Variants in RTTN observed in about 807,000 individuals in gnomAD.
RTTN encodes rotatin.
RTTN carries 182 observed loss-of-function variants against 269.2 expected under a neutral mutation model. The ratio of observed to expected loss-of-function variants is 0.68; its 90% CI spans 0.60 to 0.76. The LOEUF is 0.76. Among genes scored for constraint, RTTN ranks in the 30% least tolerant of loss-of-function variants. The pLI is 0.00. For synonymous variants in RTTN, 1,006 were observed against 963.5 expected, an observed-to-expected ratio of 1.04 and a Z score of -0.82; for missense variants, 2,545 against 2,608.6, an observed-to-expected ratio of 0.98 and a Z score of 0.53.
rs200495808 is a variant in RTTN at position 70,205,259 on chromosome 18, C to A, written c.88G>T (p.Glu30Ter). ...RALKSILCKI[E>*]HNLICYADLI... ...TCAGCGTAGCAGATTAAGTTGTGCT[C>A]AATCTTGCAGAGAATACTCTTGAGA... is the stretch of plus-strand genomic sequence containing the variant. Residue 30 changes from glutamate to a stop codon, truncating the protein, a stop_gained, in exon 2 of 49, where the codon GAG becomes TAG. Coordinates refer to ENST00000640769, the MANE Select transcript of RTTN (RefSeq NM_173630.4). LOFTEE classifies it high-confidence loss of function. 5.7e-5 allele frequency: 92 copies of A among 1,614,068 alleles called. No individual in the cohort carries two copies. The highest frequency in any genetic ancestry group is 7.1e-5 in the Non-Finnish European group (84 of 1,180,036).
chr18:70,150,659 T>C lies in RTTN; in HGVS notation c.2004A>G (p.Pro668=). The stretch of plus-strand genomic sequence containing the variant: ...ATACAGAGATTTCATACAGAACTTT[T>C]GGATGAAGTAGAAAATGAATTCCAT... The part of the protein sequence containing the change: ...LCNGIHFLLH[P]KVLYEISVFG... The change falls in exon 15 of 49, where the codon CCA becomes CCG. Residue 668 remains proline, a synonymous_variant. Coordinates refer to ENST00000640769, the MANE Select transcript of RTTN (RefSeq NM_173630.4). The C allele has an allele frequency of 6.2e-7, 1 of 1,612,434 alleles. No homozygotes were observed.
intron 40 of RTTN, among the ~76,000 whole-genome samples, chr18:70,041,079 C>A (rs138753148): frequency 1.3e-5 from 2 of 151,758 alleles, no homozygotes; most frequent in African/African-American, 2.4e-5. Context: ...CGGTGGCAAG[C>A]GCCTGTAATC....
intron 3 of RTTN, among the ~76,000 whole-genome samples, chr18:70,202,572 C>T (rs957070295): frequency 1.3e-5 from 2 of 152,180 alleles, no homozygotes; most frequent in African/African-American, 4.8e-5. Context: ...TACTTTCACC[C>T]GCAAGGAATC....
At chr18:70,121,274 C>T (rs1172955016) in intron 26 of RTTN, among the ~76,000 whole-genome samples, 1 of 152,130 alleles carries the variant, frequency 6.6e-6, no homozygotes, top group Non-Finnish European at 1.5e-5. Flanking sequence ...GCCACCTGAA[C>T]TGAAATCCCC....
rs1171943492 is a variant in RTTN at position 70,057,803 on chromosome 18, C to T, written c.4970G>A (p.Cys1657Tyr). The change falls in exon 37 of 49, where the codon TGT becomes TAT. Residue 1657 changes from cysteine (C) to tyrosine (Y), a missense_variant. Coordinates refer to ENST00000640769, the MANE Select transcript of RTTN (RefSeq NM_173630.4). Reference sequence around the variant, plus strand: ...CAGCAGGGCTCTGAGTTCCTGGACACATGTCTGTATGAGGGTAGCATCTGC... The same window carrying T: ...CAGCAGGGCTCTGAGTTCCTGGACATATGTCTGTATGAGGGTAGCATCTGC... ...SIADATLIQT[C>Y]VQELRALLPS... 6.2e-7 allele frequency: 1 copy of T among 1,613,636 alleles called. No individual in the cohort carries two copies. Among genetic ancestry groups the T allele is most frequent in the East Asian group, 2.2e-5 (1 of 44,884 alleles).
intron 28 of RTTN, among the ~76,000 whole-genome samples, chr18:70,100,928 C>T (rs1467408901): frequency 6.6e-6 from 1 of 152,064 alleles, no homozygotes; most frequent in African/African-American, 2.4e-5. Context: ...GGATGAAGCC[C>T]ACTTGATCAT....
intron 8 of RTTN, 38 bp from the exon 9 acceptor site, chr18:70,190,757 A>G (rs769471994): frequency 6.8e-7 from 1 of 1,470,834 alleles, no homozygotes; most frequent in East Asian, 2.3e-5. Flanking sequence ...GCATACAGAA[A>G]CAATCCCCAA....
intron 14 of RTTN, among the ~76,000 whole-genome samples, chr18:70,163,062 C>CTAT (rs2060883016): frequency 1.2e-5 from 1 of 85,004 alleles, no homozygotes; most frequent in Non-Finnish European, 2.0e-5. Context: ...AGGATGGTTA[C>CTAT]TATTATTAAA....
Position 70,004,174 on chromosome 18 carries a change from C to T in RTTN, c.6658G>A (p.Val2220Met), listed in dbSNP as rs201561378. The T allele has an allele frequency of 6.1e-5, 99 of 1,613,398 alleles. No individual in the cohort carries two copies. Among genetic ancestry groups the T allele is most frequent in the Middle Eastern group, 1.7e-4 (1 of 6,060 alleles). ...ACTCAGGAAGAATTAAGGAGCTGCA[C>T]GAGGTTTTCAAGACATTTCAAATAA... ...AYYLKCLENL[V>M]QLLNSS Residue 2220 changes from valine to methionine, a missense_variant, in exon 49 of 49, where the codon GTG becomes ATG. Val to Met is a conservative substitution (Grantham distance 21). Coordinates refer to ENST00000640769, the MANE Select transcript of RTTN (RefSeq NM_173630.4).
At position 70,114,588 on chromosome 18, in the gene RTTN, T is replaced by A. The variant is rs772648438; in HGVS notation, c.3540A>T (p.Pro1180=). ...LELLLRHSAN[P]LLDLLVLTES... ...CTGTCAGAACCAAGAGGTCTAACAG[T>A]GGGTTTGCACTCTAAAAAATGAAAT... Residue 1180 remains proline, a synonymous_variant, in exon 27 of 49, where the codon CCA becomes CCT. Coordinates refer to ENST00000640769, the MANE Select transcript of RTTN (RefSeq NM_173630.4). 1 of 1,612,322 alleles carries A rather than the reference T, an allele frequency of 6.2e-7. No homozygotes were observed. The highest frequency in any genetic ancestry group is 8.5e-7 in the Non-Finnish European group (1 of 1,179,236).
chr18:70,166,973 G>A lies in RTTN; in HGVS notation c.1748C>T (p.Ser583Phe). The change falls in exon 13 of 49, where the codon TCC (serine) becomes TTC (phenylalanine). Residue 583 changes from serine to phenylalanine, a missense_variant. Physicochemically the swap from Ser to Phe is radical, Grantham distance 155 (BLOSUM62 -2). Transcript: ENST00000640769. ...TATTAGCGGGAAATGCTGATGATAG[G>A]AAAAGCTACGCAAGGCTTGGTCTGC... ...ELADQALRSF[S>F]YHQHFPLIKE... is the part of the protein sequence containing the mutation. The A allele has an allele frequency of 6.2e-7, 1 of 1,613,752 alleles. No homozygotes were observed. Among genetic ancestry groups the A allele is most frequent in the Non-Finnish European group, 8.5e-7 (1 of 1,179,828 alleles).
chr18:70,093,496 G>C (rs1334318832), intron 28 of RTTN, among the ~76,000 whole-genome samples: 2 of 152,114 alleles, frequency 1.3e-5, no homozygotes, highest in Admixed American at 6.5e-5. Flanking sequence ...AGTTTATTGA[G>C]AATTTTTAGC....
chr18:70,094,836 C>T (rs62089121), intron 28 of RTTN, among the ~76,000 whole-genome samples: 1 of 151,630 alleles, frequency 6.6e-6, no homozygotes, highest in East Asian at 1.9e-4. Flanking sequence ...TCTTGAATAT[C>T]CCTTTTTTTT....
At chr18:70,104,035 G>C (rs1286824443) in intron 28 of RTTN, among the ~76,000 whole-genome samples, 9 of 152,154 alleles carry the variant, frequency 5.9e-5, no homozygotes, top group Admixed American at 3.3e-4. Flanking sequence ...ATGTTGGCCT[G>C]CCTTGCTAGG....
At chr18:70,197,448 G>T (rs1463697316) in intron 6 of RTTN, among the ~76,000 whole-genome samples, 176 bp downstream of exon 6, 2 of 152,170 alleles carry the variant, frequency 1.3e-5, no homozygotes, top group Non-Finnish European at 2.9e-5. Flanking sequence ...ACTACTATTG[G>T]AAGAACTATA....
intron 46 of RTTN, among the ~76,000 whole-genome samples, chr18:70,011,016 C>T (rs758541204): frequency 1.4e-4 from 21 of 152,152 alleles, no homozygotes; most frequent in Admixed American, 1.3e-3. Context: ...TGGACACATA[C>T]ACCCTCCCAA....
At chr18:70,125,153 G>GT (rs1437840427) in intron 25 of RTTN, among the ~76,000 whole-genome samples, 1 of 152,074 alleles carries the variant, frequency 6.6e-6, no homozygotes, top group South Asian at 2.1e-4. Flanking sequence ...CCACAGTACC[G>GT]TAAGTAAAAA....
At chr18:70,135,366 G>A in intron 21 of RTTN, 86 bp from the exon 22 acceptor site, 1 of 783,906 alleles carries the variant, frequency 1.3e-6, no homozygotes, top group East Asian at 2.9e-5. Context: ...GATTTGAAGA[G>A]AAAAGAAATG....
chr18:70,021,023 G>C, intron 44 of RTTN: 1 of 442,500 alleles, frequency 2.3e-6, no homozygotes, highest in South Asian at 7.2e-5. Flanking sequence ...TCTCACTAAA[G>C]CACTTTAAGA....
Sources: gnomAD v4.1 joint callset for allele counts (sites outside exome capture counted in the v4.1 genomes callset) on GRCh38, gnomAD v4.1.1 for gene constraint, MANE v1.5 for transcripts, NCBI Gene and HGNC (gene_info 2026-07-23, HGNC 2026-07-21) for gene names.